Variants in RFX3 observed in about 807,000 individuals in gnomAD.
RFX3 encodes the protein regulatory factor X3.
In RFX3, 14 loss-of-function variants were observed where a neutral mutation model predicts 98.6. The ratio of observed to expected loss-of-function variants is 0.14; its 90% CI spans 0.09 to 0.22. The LOEUF (loss-of-function observed/expected upper bound fraction) is 0.22. RFX3 is among the 10% of genes least tolerant of loss of function. The probability of loss-of-function intolerance (pLI) is 1.00; values close to 1 mark genes in which losing one functional copy is unlikely to be tolerated. For missense variants in RFX3, 639 were observed against 926.9 expected (o/e 0.69, Z 4.03); for synonymous variants, 383 against 328.4 (o/e 1.17, Z -1.80).
intron 15 of RFX3, among the ~76,000 whole-genome samples, chr9:3,239,374 C>T (rs1819610270): frequency 6.6e-6 from 1 of 152,162 alleles, no homozygotes. Context: ...CTAAGAAGGC[C>T]AAGATCTCTG....
chr9:3,503,626 A>G (rs1020135604), intron 1 of RFX3, among the ~76,000 whole-genome samples: 2 of 152,132 alleles, frequency 1.3e-5, no homozygotes, highest in Non-Finnish European at 2.9e-5. Flanking sequence ...CTATTTGTCA[A>G]AATAATAGAA....
intron 3 of RFX3, among the ~76,000 whole-genome samples, chr9:3,344,101 T>A (rs1256646993): frequency 6.6e-6 from 1 of 152,164 alleles, no homozygotes; most frequent in Non-Finnish European, 1.5e-5. Flanking sequence ...GTAAAGCAGT[T>A]TAAAAATGCA....
At chr9:3,482,541 A>C (rs900770547) in intron 1 of RFX3, among the ~76,000 whole-genome samples, 2 of 152,250 alleles carry the variant, frequency 1.3e-5, no homozygotes, top group Non-Finnish European at 2.9e-5. Flanking sequence ...GTCAACTGTC[A>C]TAAGCATGAA....
intron 2 of RFX3, among the ~76,000 whole-genome samples, chr9:3,368,564 T>C (rs955102479): frequency 1.3e-5 from 2 of 152,218 alleles, no homozygotes; most frequent in African/African-American, 4.8e-5. Context: ...ACCAATAAGA[T>C]AGACAGGGAT....
intron 1 of RFX3, among the ~76,000 whole-genome samples, chr9:3,422,534 T>C (rs1433173753): frequency 2.0e-5 from 3 of 152,224 alleles, no homozygotes; most frequent in African/African-American, 4.8e-5. Context: ...GCAACTCTTT[T>C]CTACCTTTGA....
chr9:3,238,280 T>C (rs1309400551), intron 15 of RFX3, among the ~76,000 whole-genome samples: 1 of 152,204 alleles, frequency 6.6e-6, no homozygotes, highest in Non-Finnish European at 1.5e-5. Context: ...TAAAGTGGGC[T>C]TTGACGTCAG....
At chr9:3,316,109 C>A (rs143402044) in intron 4 of RFX3, among the ~76,000 whole-genome samples, 1 of 152,070 alleles carries the variant, frequency 6.6e-6, no homozygotes, top group Non-Finnish European at 1.5e-5. Flanking sequence ...TGATGAACAT[C>A]GATGCAAAAA....
rs41312822 is a variant in RFX3, at chr9:3,225,319, A to T, written c.2012-39T>A. The T allele has an allele frequency of 0.016, 24,885 of 1,603,788 alleles. 242 individuals are homozygous for T. The highest frequency in any genetic ancestry group is 0.042 in the Middle Eastern group (253 of 6,024). On this transcript the variant is annotated intron_variant, in intron 16 of 16. Coordinates refer to ENST00000617270, the MANE Select transcript of RFX3 (RefSeq NM_001282116.2). ...TAATACCAAGACTATCATCGAAGAC[A>T]AATTAGAAAATAGCAATCAACAGGT... is the stretch of plus-strand genomic sequence containing the variant.
At chr9:3,238,446 A>T (rs565861389) in intron 15 of RFX3, among the ~76,000 whole-genome samples, 234 of 152,346 alleles carry the variant, frequency 1.5e-3, no homozygotes, top group African/African-American at 5.5e-3. Flanking sequence ...AATGGGGGTG[A>T]TTACACAACT....
At chr9:3,516,308 A>G (rs1029007209) in intron 1 of RFX3, among the ~76,000 whole-genome samples, 3 of 152,184 alleles carry the variant, frequency 2.0e-5, no homozygotes, top group African/African-American at 7.2e-5. Flanking sequence ...TCAGCCTCCC[A>G]AAGTGCTGGG....
rs145914147 is a variant in RFX3 at position 3,314,892 on chromosome 9, C to A, written c.475-13272G>T. ...CATAAAGCAAGTCCTTAGAGACCTACAAAGAGACTTAGACATCCACACAAT... is the reference window on the plus strand; with the variant it reads ...CATAAAGCAAGTCCTTAGAGACCTAAAAAGAGACTTAGACATCCACACAAT... On this transcript the variant is annotated intron_variant, in intron 4 of 16. Coordinates refer to ENST00000617270, the MANE Select transcript of RFX3 (RefSeq NM_001282116.2). 1.4e-3 allele frequency among the ~76,000 whole-genome samples: 207 copies of A among 152,242 alleles called. 2 individuals are homozygous for A. In the East Asian group the frequency reaches 0.036, roughly 26 times the overall value.
At position 3,395,554 on chromosome 9, in the gene RFX3, G is replaced by A. The variant is rs1840770775; in HGVS notation, c.35C>T (p.Ser12Leu). The change falls in exon 2 of 17, where the codon TCG (serine) becomes TTG (leucine). Residue 12 changes from serine to leucine, a missense_variant. Coordinates refer to ENST00000617270, the MANE Select transcript of RFX3 (RefSeq NM_001282116.2). ...CACAGATGTTTGTAAGGTCACTGTC[G>A]AGCCTGTGTCCGACCCAGTCTCTGA... ...QTSETGSDTG[S>L]TVTLQTSVAS... 1.2e-6 allele frequency: 2 copies of A among 1,614,036 alleles called. No individual in the cohort carries two copies. Among genetic ancestry groups the A allele is most frequent in the Non-Finnish European group, 8.5e-7 (1 of 1,179,950 alleles).
At chr9:3,479,056 G>C (rs1295273213) in intron 1 of RFX3, among the ~76,000 whole-genome samples, 1 of 152,292 alleles carries the variant, frequency 6.6e-6, no homozygotes, top group South Asian at 2.1e-4. Context: ...GAAGTGGTCA[G>C]CTCTCTCCAT....
intron 1 of RFX3, among the ~76,000 whole-genome samples, chr9:3,482,362 G>A (rs1281781871): frequency 1.3e-5 from 2 of 152,036 alleles, no homozygotes; most frequent in Non-Finnish European, 2.9e-5. Flanking sequence ...GAGAAATCCC[G>A]AGAAGACATG....
At chr9:3,266,181 A>G in intron 12 of RFX3, 27 bp downstream of exon 12, 1 of 1,380,214 alleles carries the variant, frequency 7.2e-7, no homozygotes, top group Non-Finnish European at 1.0e-6. Flanking sequence ...CTCAACACAA[A>G]AGAAAAAGCA....
intron 3 of RFX3, among the ~76,000 whole-genome samples, chr9:3,339,180 G>T (rs1358465382): frequency 6.6e-6 from 1 of 151,828 alleles, no homozygotes; most frequent in Non-Finnish European, 1.5e-5. Flanking sequence ...TATATTCTGT[G>T]GCCGTTGCTC....
chr9:3,419,262 T>C (rs897559213), intron 1 of RFX3, among the ~76,000 whole-genome samples: 4 of 152,180 alleles, frequency 2.6e-5, no homozygotes, highest in Admixed American at 6.5e-5. Flanking sequence ...TACTATCAAA[T>C]TGTAAAGAAT....
At chr9:3,356,940 AACAC>A (rs750484316) in intron 2 of RFX3, among the ~76,000 whole-genome samples, 220 of 143,506 alleles carry the variant, frequency 1.5e-3, no homozygotes, top group Admixed American at 3.3e-3. Context: ...TTCATGATTA[AACAC>A]ACACACACAT....
At chr9:3,360,942 G>C (rs974016790) in intron 2 of RFX3, among the ~76,000 whole-genome samples, 2 of 152,104 alleles carry the variant, frequency 1.3e-5, no homozygotes, top group African/African-American at 4.8e-5. Flanking sequence ...TAGTCTCTTT[G>C]TAAAAATTTC....
Sources: gnomAD v4.1 joint callset for allele counts (sites outside exome capture counted in the v4.1 genomes callset) on GRCh38, gnomAD v4.1.1 for gene constraint, MANE v1.5 for transcripts, NCBI Gene and HGNC (gene_info 2026-07-23, HGNC 2026-07-21) for gene names.